MMP26: variants seen among roughly 807,000 people sequenced by gnomAD.
MMP26 encodes matrix metalloproteinase-26.
In MMP26, 33 loss-of-function variants were observed where a neutral mutation model predicts 31.0. The ratio of observed to expected loss-of-function variants is 1.06; its 90% confidence interval spans 0.81 to 1.42. The LOEUF is 1.42. Ranked by LOEUF, MMP26 falls within the 40% of genes most tolerant of loss-of-function variation. The pLI is 0.00. For missense variants in MMP26, 347 were observed against 316.1 expected, an observed-to-expected ratio of 1.10 and a Z score of -0.74; for synonymous variants, 122 against 114.9, an observed-to-expected ratio of 1.06 and a Z score of -0.40.
intron 1 of MMP26, among the ~76,000 whole-genome samples, chr11:4,722,104 C>T (rs985988034): frequency 1.3e-5 from 2 of 152,166 alleles, no homozygotes; most frequent in African/African-American, 2.4e-5. Context: ...AAGCAGAAGT[C>T]GCTATACTTC....
chr11:4,914,670 G>T (rs778212931), intron 2 of MMP26: 2 of 1,279,934 alleles, frequency 1.6e-6, no homozygotes, highest in South Asian at 1.3e-5. Context: ...TAAAGGATAG[G>T]CAAACAAGGG....
intron 2 of MMP26, among the ~76,000 whole-genome samples, chr11:4,843,181 G>A (rs1484864031): frequency 2.6e-5 from 4 of 152,190 alleles, no homozygotes; most frequent in South Asian, 2.1e-4. Flanking sequence ...GCAAGCTATC[G>A]GTGGATCTGC....
chr11:4,931,310 T>C (rs1179648269), intron 2 of MMP26, among the ~76,000 whole-genome samples: 6 of 152,062 alleles, frequency 3.9e-5, no homozygotes, highest in Non-Finnish European at 1.5e-5. Context: ...AACATCCCAC[T>C]TAGTATTGTC....
intron 1 of MMP26, among the ~76,000 whole-genome samples, chr11:4,741,962 A>G (rs1303236945): frequency 2.0e-5 from 3 of 152,192 alleles, no homozygotes; most frequent in Non-Finnish European, 4.4e-5. Context: ...ACTGGAAAGT[A>G]ATTACATTTG....
chr11:4,804,443 A>T, intron 2 of MMP26: 1 of 1,259,284 alleles, frequency 7.9e-7, no homozygotes, highest in Non-Finnish European at 1.2e-6. Context: ...TAACAATCAA[A>T]ACAAGTGTTA....
intron 2 of MMP26, among the ~76,000 whole-genome samples, chr11:4,809,690 A>T (rs755309823): frequency 6.6e-6 from 1 of 152,214 alleles, no homozygotes; most frequent in Non-Finnish European, 1.5e-5. Context: ...TGGAGGCAGT[A>T]TTCCTACCTT....
chr11:4,853,349 A>G (rs1408534500), intron 2 of MMP26, among the ~76,000 whole-genome samples: 2 of 152,216 alleles, frequency 1.3e-5, no homozygotes, highest in African/African-American at 2.4e-5. Context: ...CACCTTGAAT[A>G]TAGACAATTT....
chr11:4,809,661 C>T (rs116294464), intron 2 of MMP26, among the ~76,000 whole-genome samples: 245 of 152,302 alleles, frequency 1.6e-3, no homozygotes, highest in African/African-American at 5.4e-3. Flanking sequence ...AGAGCCACCT[C>T]TTATGGAAAT....
chr11:4,953,426 A>G (rs1846393596), intron 2 of MMP26, among the ~76,000 whole-genome samples: 1 of 125,212 alleles, frequency 8.0e-6, no homozygotes, highest in East Asian at 2.3e-4. Context: ...AATAAGCACA[A>G]AAGTTATCTA....
intron 2 of MMP26, among the ~76,000 whole-genome samples, chr11:4,982,460 G>T (rs747109245): frequency 6.6e-6 from 1 of 152,092 alleles, no homozygotes; most frequent in Non-Finnish European, 1.5e-5. Context: ...ACGTCTGCCT[G>T]TATGAAAGTT....
At chr11:4,893,335 C>T (rs71480735) in intron 2 of MMP26, among the ~76,000 whole-genome samples, 470 of 152,250 alleles carry the variant, frequency 3.1e-3, no homozygotes, top group Admixed American at 5.0e-3. Context: ...ATACTTCTTA[C>T]CATAACTAAT....
At chr11:4,801,718 T>C (rs1162820572) in intron 2 of MMP26, among the ~76,000 whole-genome samples, 2 of 151,908 alleles carry the variant, frequency 1.3e-5, no homozygotes, top group Non-Finnish European at 2.9e-5. Context: ...AATTTTGTAT[T>C]TTTAGTTGAG....
At chr11:4,827,532 A>C (rs2133477488) in intron 2 of MMP26, among the ~76,000 whole-genome samples, 1 of 152,208 alleles carries the variant, frequency 6.6e-6, no homozygotes, top group South Asian at 2.1e-4. Context: ...AGTATACAGA[A>C]GTGGTCTCAG....
At chr11:4,924,538 A>G (rs1331003935) in intron 2 of MMP26, among the ~76,000 whole-genome samples, 4 of 152,194 alleles carry the variant, frequency 2.6e-5, no homozygotes, top group Non-Finnish European at 5.9e-5. Context: ...TTGATGGATG[A>G]GGAGGCAAAT....
intron 2 of MMP26, among the ~76,000 whole-genome samples, chr11:4,836,442 T>C (rs1687218505): frequency 6.6e-6 from 1 of 150,508 alleles, no homozygotes; most frequent in African/African-American, 2.4e-5. Flanking sequence ...ATATTATATA[T>C]ACATATAATT....
intron 2 of MMP26, chr11:4,919,284 A>C (rs544365252): frequency 8.5e-5 from 13 of 152,300 alleles, no homozygotes; most frequent in Admixed American, 7.2e-4. Context: ...TTGGCTCTAC[A>C]CTCAGCATCA....
chr11:4,787,980 A>G (rs749150818), intron 2 of MMP26, among the ~76,000 whole-genome samples: 12 of 152,200 alleles, frequency 7.9e-5, no homozygotes, highest in Non-Finnish European at 1.6e-4. Context: ...GTTTAAGATA[A>G]AAAATCTGGA....
chr11:4,861,441 T>A (rs1381981575), intron 2 of MMP26, among the ~76,000 whole-genome samples: 1 of 151,312 alleles, frequency 6.6e-6, no homozygotes, highest in Non-Finnish European at 1.5e-5. Flanking sequence ...GTTTTTGCCT[T>A]TTTAAAATCT....
intron 2 of MMP26, chr11:4,923,530 C>G (rs747446143): frequency 6.2e-7 from 1 of 1,614,068 alleles, no homozygotes; most frequent in Admixed American, 1.7e-5. Context: ...CAACGCGGGG[C>G]AGATGTTCAC....
Sources: gnomAD v4.1 joint callset for allele counts (sites outside exome capture counted in the v4.1 genomes callset) on GRCh38, gnomAD v4.1.1 for gene constraint, MANE v1.5 for transcripts, NCBI Gene and HGNC (gene_info 2026-07-23, HGNC 2026-07-21) for gene names.